Variants in HCN3 observed in about 807,000 individuals in gnomAD.
The protein encoded by HCN3 is potassium/sodium hyperpolarization-activated cyclic nucleotide-gated channel 3.
HCN3 carries 36 observed loss-of-function variants against 56.8 expected under a neutral mutation model. The ratio of observed to expected loss-of-function variants is 0.63; its 90% CI spans 0.49 to 0.84. HCN3 has a LOEUF of 0.84. HCN3 is among the 40% of genes least tolerant of loss of function. The pLI, the probability that HCN3 is intolerant of heterozygous loss-of-function variation, is 0.00. For synonymous variants in HCN3, 425 were observed against 439.7 expected, an observed-to-expected ratio of 0.97 and a Z score of 0.42; for missense variants, 930 against 1,079.3, an observed-to-expected ratio of 0.86 and a Z score of 1.94.
Position 155,284,852 on chromosome 1 carries a change from G to T in HCN3, c.1089+95G>T. The T allele has an allele frequency of 8.7e-7, 1 of 1,147,388 alleles. No homozygotes were observed. Among genetic ancestry groups the T allele is most frequent in the Non-Finnish European group, 1.2e-6 (1 of 806,768 alleles). The allele number at this position is 1,147,388 out of a possible 1,614,324, so 71.1% of individuals were successfully genotyped here. A position where few individuals can be genotyped will look rare whatever the true frequency, so the allele number is the denominator to read the frequency against. ...CCATTCTGATGTGTGCCCCTGTTGC[G>T]TCTCTGTTTCCTTTCCTGCCCTGTG... is the stretch of plus-strand genomic sequence containing the variant. On this transcript the variant is annotated intron_variant, in intron 4 of 7. Coordinates refer to ENST00000368358, the MANE Select transcript of HCN3 (RefSeq NM_020897.3). The surrounding 1 kb of genome is among the most constrained non-coding windows in gnomAD (Gnocchi z 4.3).
chr1:155,283,079 G>A (rs1053475506), intron 2 of HCN3, among the ~76,000 whole-genome samples: 1 of 152,120 alleles, frequency 6.6e-6, no homozygotes, highest in Non-Finnish European at 1.5e-5. Flanking sequence ...TGGCACAGGA[G>A]GGTGGAGCAC....
intron 2 of HCN3, 79 bp from the exon 3 acceptor site, chr1:155,283,895 G>T: frequency 6.7e-7 from 1 of 1,498,200 alleles, no homozygotes; most frequent in Non-Finnish European, 9.2e-7. Context: ...GTTCAGAAGA[G>T]AATTTGCCAG....
In HCN3 at chr1:155,288,035, C is replaced by G. The variant is rs1466385738; in HGVS notation, c.1897C>G (p.Leu633Val). The G allele has an allele frequency of 6.2e-7, 1 of 1,613,806 alleles. No homozygotes were observed. Among genetic ancestry groups the G allele is most frequent in the East Asian group, 2.2e-5 (1 of 44,858 alleles). Residue 633 changes from leucine (L) to valine (V), a missense_variant, in exon 8 of 8, where the codon CTC (leucine) becomes GTC (valine). Coordinates refer to ENST00000368358, the MANE Select transcript of HCN3 (RefSeq NM_020897.3). This position sits in a 1 kb window ranked among gnomAD's most constrained non-coding sequence, Gnocchi z 6.5. ...ALTHQRGPLPLSPDSPATLLA... is the reference protein window; with the variant it reads ...ALTHQRGPLPVSPDSPATLLA... ...GACTCATCAGCGGGGCCCTCTGCCC[C>G]TCTCCCCTGACTCTCCAGCCACCCT...
rs201807735 is a variant in HCN3, at chr1:155,285,336, G to T, written c.1236+25G>T. ...GGTGGGGCTGGGTTGGGCCTGGAAG[G>T]GGGGCTCTTCAGGGACCTGGAGTGC... On this transcript the variant is annotated intron_variant, in intron 5 of 7. Transcript: ENST00000368358. This position sits in a 1 kb window ranked among gnomAD's most constrained non-coding sequence, Gnocchi z 4.5. The T allele has an allele frequency of 9.9e-6, 16 of 1,612,366 alleles. No homozygotes were observed. The highest frequency in any genetic ancestry group is 1.3e-5 in the African/African-American group (1 of 74,940).
chr1:155,284,520 A>T lies in HCN3; in HGVS notation c.871-19A>T. ...CCGAGGGGCCCATGCCCAGCTCTGCAATATACTCTGCCCCTCAGAACCACT... is the reference window on the plus strand; with the variant it reads ...CCGAGGGGCCCATGCCCAGCTCTGCTATATACTCTGCCCCTCAGAACCACT... On this transcript the variant is annotated intron_variant, in intron 3 of 7. Transcript: ENST00000368358. This position sits in a 1 kb window ranked among gnomAD's most constrained non-coding sequence, Gnocchi z 4.3. 6.2e-7 allele frequency: 1 copy of T among 1,606,414 alleles called. No homozygotes were observed. Among genetic ancestry groups the T allele is most frequent in the Middle Eastern group, 2.2e-4 (1 of 4,502 alleles).
chr1:155,280,554 A>G (rs527391628), intron 1 of HCN3, among the ~76,000 whole-genome samples: 2 of 148,770 alleles, frequency 1.3e-5, no homozygotes, highest in South Asian at 2.1e-4. Flanking sequence ...CTCCTTCCTC[A>G]GCCTCCTGAG....
chr1:155,277,930 C>T (rs1262704716), intron 1 of HCN3, 62 bp downstream of exon 1: 4 of 1,541,510 alleles, frequency 2.6e-6, no homozygotes, highest in African/African-American at 1.4e-5. Flanking sequence ...GCAGCGACAC[C>T]GGGACCCGGC....
chr1:155,277,529 T>C lies in HCN3; in HGVS notation c.-62T>C. The C allele has an allele frequency of 6.7e-7, 1 of 1,491,218 alleles. No homozygotes were observed. Among genetic ancestry groups the C allele is most frequent in the Admixed American group, 2.2e-5 (1 of 45,998 alleles). 92.4% of individuals were successfully genotyped at this position (1,491,218 alleles called of 1,614,324 possible). A position where few individuals can be genotyped will look rare whatever the true frequency, so the allele number is the denominator to read the frequency against. ...GCGCCGACTCCTGCTCTGGAGGGGT[T>C]GCGGGTACCTGATGGCCACAGAGGG... is the stretch of plus-strand genomic sequence containing the variant. On this transcript the variant is annotated 5_prime_UTR_variant, in exon 1 of 8. Coordinates refer to ENST00000368358, the MANE Select transcript of HCN3 (RefSeq NM_020897.3).
chr1:155,282,110 A>C lies in HCN3; in HGVS notation c.279-301A>C, dbSNP rs969173095. Among the ~76,000 whole-genome samples, 1 of 152,142 alleles carries C rather than the reference A, an allele frequency of 6.6e-6. No homozygotes were observed. Among genetic ancestry groups the C allele is most frequent in the Admixed American group, 6.5e-5 (1 of 15,274 alleles). On this transcript the variant is annotated intron_variant, in intron 1 of 7. Coordinates refer to ENST00000368358, the MANE Select transcript of HCN3 (RefSeq NM_020897.3). This position sits in a 1 kb window ranked among gnomAD's most constrained non-coding sequence, Gnocchi z 4.7. Reference sequence around the variant, plus strand: ...CACAAGGACATGTGTGTTGTTCTCAAATTTAATGCTGCTATAAACATTCCT... The same window carrying C: ...CACAAGGACATGTGTGTTGTTCTCACATTTAATGCTGCTATAAACATTCCT...
intron 1 of HCN3, chr1:155,278,636 A>C (rs987473423): frequency 6.6e-6 from 1 of 152,332 alleles, no homozygotes; most frequent in African/African-American, 2.4e-5. Context: ...TGTGCAAAGC[A>C]CCTAACCTGG....
At position 155,284,472 on chromosome 1, in the gene HCN3, A is replaced by G; in HGVS notation, c.871-67A>G. On this transcript the variant is annotated intron_variant, in intron 3 of 7. Transcript: ENST00000368358. The surrounding 1 kb of genome is among the most constrained non-coding windows in gnomAD (Gnocchi z 4.3). The stretch of plus-strand genomic sequence containing the variant: ...CAGACAGAAAGACCAAAGAAGGAAA[A>G]GGGGCAGGCAGAGAATGAGGCTCCG... 4.8e-6 allele frequency: 7 copies of G among 1,461,642 alleles called. No homozygotes were observed. The highest frequency in any genetic ancestry group is 3.8e-5 in the South Asian group (3 of 79,326). The allele number at this position is 1,461,642 out of a possible 1,614,324, so 90.5% of individuals were successfully genotyped here.
In HCN3 at chr1:155,285,042, G is replaced by C; in HGVS notation, c.1090-123G>C. ...CTGTGGCCCTGTGTATCCATGTCTG[G>C]TTCCACGTTTCACCCCTTTGAGTTT... On this transcript the variant is annotated intron_variant, in intron 4 of 7. Coordinates refer to ENST00000368358, the MANE Select transcript of HCN3 (RefSeq NM_020897.3). The surrounding 1 kb of genome is among the most constrained non-coding windows in gnomAD (Gnocchi z 4.5). 1 of 1,115,454 alleles carries C rather than the reference G, an allele frequency of 9.0e-7. No homozygotes were observed. The allele number at this position is 1,115,454 out of a possible 1,614,324, so 69.1% of individuals were successfully genotyped here. A position where few individuals can be genotyped will look rare whatever the true frequency, so the allele number is the denominator to read the frequency against.
In HCN3 at chr1:155,284,040, C is replaced by T. The variant is rs377307674; in HGVS notation, c.775C>T (p.Leu259=). 15 of 1,614,028 alleles carry T rather than the reference C, an allele frequency of 9.3e-6. No homozygotes were observed. Among genetic ancestry groups the T allele is most frequent in the Non-Finnish European group, 1.2e-5 (14 of 1,180,016 alleles). The stretch of plus-strand genomic sequence containing the variant: ...CATCTTCAACCTCATTGGGATGATG[C>T]TGCTGCTATGTCACTGGGATGGCTG... ...VRIFNLIGMM[L]LLCHWDGCLQ... The change falls in exon 3 of 8, where the codon CTG becomes TTG. Residue 259 remains leucine (L), a synonymous_variant. Transcript: ENST00000368358. The surrounding 1 kb of genome is among the most constrained non-coding windows in gnomAD (Gnocchi z 4.3).
chr1:155,285,656 G>T lies in HCN3; in HGVS notation c.1237-68G>T. On this transcript the variant is annotated intron_variant, in intron 5 of 7. Transcript: ENST00000368358. This position sits in a 1 kb window ranked among gnomAD's most constrained non-coding sequence, Gnocchi z 4.5. ...CCCCAGGGGTGGGGTTTCTGGAAGC[G>T]GATGAGCTCGGTGGGATCATCTCAG... is the stretch of plus-strand genomic sequence containing the variant. 1 of 1,585,066 alleles carries T rather than the reference G, an allele frequency of 6.3e-7. No homozygotes were observed. The highest frequency in any genetic ancestry group is 1.1e-5 in the South Asian group (1 of 87,532).
intron 2 of HCN3, among the ~76,000 whole-genome samples, 185 bp downstream of exon 2, chr1:155,283,025 G>C (rs1674136192): frequency 6.6e-6 from 1 of 152,088 alleles, no homozygotes; most frequent in South Asian, 2.1e-4. Flanking sequence ...GGAGAAGCAG[G>C]AACAGAATGA....
chr1:155,288,313 C>A lies in HCN3; in HGVS notation c.2175C>A (p.Gly725=), dbSNP rs761819074. Residue 725 remains glycine (G), a synonymous_variant, in exon 8 of 8, where the codon GGC becomes GGA. Transcript: ENST00000368358. This position sits in a 1 kb window ranked among gnomAD's most constrained non-coding sequence, Gnocchi z 6.5. ...SQPSLPQRAT[G]DGSPGRKGSG... is the part of the protein sequence containing the mutation. ...CCTCTCTGCCTCAGCGGGCAACAGG[C>A]GATGGCTCTCCTGGGCGTAAGGGAT... 1 of 1,613,234 alleles carries A rather than the reference C, an allele frequency of 6.2e-7. No homozygotes were observed. Among genetic ancestry groups the A allele is most frequent in the Non-Finnish European group, 8.5e-7 (1 of 1,179,872 alleles).
At chr1:155,280,692 C>T (rs1371722477) in intron 1 of HCN3, among the ~76,000 whole-genome samples, 2 of 149,456 alleles carry the variant, frequency 1.3e-5, no homozygotes, top group East Asian at 2.0e-4. Flanking sequence ...CCCACCTTGG[C>T]CTCCCAAAGT....
Position 155,286,989 on chromosome 1 carries a change from G to A in HCN3, c.1478-184G>A, listed in dbSNP as rs1400906606. On this transcript the variant is annotated intron_variant, in intron 6 of 7. Transcript: ENST00000368358. ...GGGAGCAGTAACCCAGTAATTGTGG[G>A]GGTCTGGAGAAAGACAATGCTTGGG... 2.6e-5 allele frequency among the ~76,000 whole-genome samples: 4 copies of A among 152,140 alleles called. No individual in the cohort carries two copies. The South Asian group carries it at 8.3e-4, about 31-fold the overall frequency.
intron 1 of HCN3, among the ~76,000 whole-genome samples, chr1:155,280,537 C>T (rs916390652): frequency 2.7e-5 from 4 of 149,628 alleles, no homozygotes; most frequent in African/African-American, 7.4e-5. Flanking sequence ...CCCGGGTTCA[C>T]GCCATTCTCC....
Sources: gnomAD v4.1 joint callset for allele counts (sites outside exome capture counted in the v4.1 genomes callset) on GRCh38, gnomAD v4.1.1 for gene constraint, Gnocchi (gnomAD v3.1) non-coding constraint, MANE v1.5 for transcripts, NCBI Gene and HGNC (gene_info 2026-07-23, HGNC 2026-07-21) for gene names.